The following CYP20A1 variants were observed in gnomAD, a reference collection of about 807,000 sequenced individuals.
CYP20A1 encodes cytochrome P450 20A1.
In CYP20A1, 61 loss-of-function variants were observed where a neutral mutation model predicts 61.4. The observed-to-expected ratio is 0.99, with a 90% CI of 0.81 to 1.23. The LOEUF is 1.23. CYP20A1 is among the 50% of genes most tolerant of loss of function. The pLI is 0.00. For missense variants in CYP20A1, 530 were observed against 542.4 expected, an observed-to-expected ratio of 0.98 and a Z score of 0.23; for synonymous variants, 193 against 188.2, an observed-to-expected ratio of 1.03 and a Z score of -0.21.
At chr2:203,254,301 A>G (rs991265658) in intron 4 of CYP20A1, among the ~76,000 whole-genome samples, 5 of 152,024 alleles carry the variant, frequency 3.3e-5, no homozygotes, top group South Asian at 2.1e-4. Flanking sequence ...ATGAATGCAT[A>G]TTTATTTTTA....
chr2:203,271,083 T>TATATA (rs1491142784), intron 5 of CYP20A1, among the ~76,000 whole-genome samples: 6 of 38,782 alleles, frequency 1.5e-4, no homozygotes, highest in Admixed American at 3.4e-4. Context: ...TATATATATA[T>TATATA]TTTTTTTTTT....
At chr2:203,254,093 C>G (rs1383580730) in intron 4 of CYP20A1, among the ~76,000 whole-genome samples, 1 of 107,884 alleles carries the variant, frequency 9.3e-6, no homozygotes, top group African/African-American at 3.1e-5. Flanking sequence ...ATTACAGGCG[C>G]CTGCCACCAT....
intron 5 of CYP20A1, among the ~76,000 whole-genome samples, chr2:203,271,761 C>T (rs565964432): frequency 6.6e-5 from 10 of 152,234 alleles, no homozygotes; most frequent in Middle Eastern, 6.8e-3. Flanking sequence ...GAGGGCTGGG[C>T]GCAGTGGTTC....
At chr2:203,292,237 C>G (rs1016338664) in intron 10 of CYP20A1, 25 bp from the exon 11 acceptor site, 3 of 1,574,142 alleles carry the variant, frequency 1.9e-6, no homozygotes, top group East Asian at 4.5e-5. Context: ...TAGTCCTTGA[C>G]TAATTGGATT....
At chr2:203,260,283 C>T (rs796107860) in intron 4 of CYP20A1, among the ~76,000 whole-genome samples, 41 of 152,142 alleles carry the variant, frequency 2.7e-4, no homozygotes, top group African/African-American at 8.7e-4. Context: ...AGTGCAGTGG[C>T]GCAATTTCTG....
Position 203,297,589 on chromosome 2 carries a change from C to T in CYP20A1, c.*681C>T, listed in dbSNP as rs1397988448. The T allele has an allele frequency of 6.6e-6, 1 of 152,170 alleles. No homozygotes were observed. Among genetic ancestry groups the T allele is most frequent in the Non-Finnish European group, 1.5e-5 (1 of 68,114 alleles). The allele number at this position is 152,170 out of a possible 1,614,324, so 9.4% of individuals were successfully genotyped here. A position where few individuals can be genotyped will look rare whatever the true frequency, so the allele number is the denominator to read the frequency against. ...GGGTGTGGTGGCCCACACCTGTAAT[C>T]CCAGCACTTTGGGAGGTCGAGGCGG... On this transcript the variant is annotated 3_prime_UTR_variant, in exon 13 of 13. Transcript: ENST00000356079.
rs2068892855 is a variant in CYP20A1, at chr2:203,298,405, C to T, written c.*1497C>T. Reference sequence around the variant, plus strand: ...ACCCTGCCTTTAAAAAAACAAAAAACAAAAAAGGCCGGGCTCGGTGGCTCA... The same window carrying T: ...ACCCTGCCTTTAAAAAAACAAAAAATAAAAAAGGCCGGGCTCGGTGGCTCA... On this transcript the variant is annotated 3_prime_UTR_variant, in exon 13 of 13. Coordinates refer to ENST00000356079, the MANE Select transcript of CYP20A1 (RefSeq NM_177538.3). 5.8e-6 allele frequency: 1 copy of T among 172,308 alleles called. No individual in the cohort carries two copies. Among genetic ancestry groups the T allele is most frequent in the Admixed American group, 6.4e-5 (1 of 15,542 alleles). The allele number at this position is 172,308 out of a possible 1,614,324, so 10.7% of individuals were successfully genotyped here.
chr2:203,303,281 A>C lies in CYP20A1; in HGVS notation c.*6373A>C, dbSNP rs180708124. On this transcript the variant is annotated 3_prime_UTR_variant, in exon 13 of 13. Transcript: ENST00000356079. ...TGGCCTCCTGAAGTGCTGGGATTAC[A>C]GGCATGAGCCACTGTGCCCGGCCAT... 1.7e-3 allele frequency among the ~76,000 whole-genome samples: 262 copies of C among 151,672 alleles called. 2 individuals are homozygous for C. Among genetic ancestry groups the C allele is most frequent in the African/African-American group, 5.6e-3 (232 of 41,350 alleles).
chr2:203,299,668 C>T lies in CYP20A1; in HGVS notation c.*2760C>T, dbSNP rs2068941653. 6.6e-6 allele frequency among the ~76,000 whole-genome samples: 1 copy of T among 152,062 alleles called. No individual in the cohort carries two copies. The highest frequency in any genetic ancestry group is 1.9e-4 in the East Asian group (1 of 5,164). ...GGCAGGCAGATCACCTGAGGTCAGG[C>T]GTTCAAGACCAGCCTGACCAACATG... On this transcript the variant is annotated 3_prime_UTR_variant, in exon 13 of 13. Coordinates refer to ENST00000356079, the MANE Select transcript of CYP20A1 (RefSeq NM_177538.3).
chr2:203,254,592 C>G (rs2066825193), intron 4 of CYP20A1, among the ~76,000 whole-genome samples: 1 of 151,352 alleles, frequency 6.6e-6, no homozygotes, highest in South Asian at 2.1e-4. Context: ...TTTGTGTGCA[C>G]AATAGAATTT....
Position 203,302,439 on chromosome 2 carries a change from C to T in CYP20A1, c.*5531C>T, listed in dbSNP as rs868439833. On this transcript the variant is annotated 3_prime_UTR_variant, in exon 13 of 13. Coordinates refer to ENST00000356079, the MANE Select transcript of CYP20A1 (RefSeq NM_177538.3). ...GTCCCAACTATTCAGGAGGCTGAGGCGAGAGGATGGCTTGAGCTCAGGAAG... is the reference window on the plus strand; with the variant it reads ...GTCCCAACTATTCAGGAGGCTGAGGTGAGAGGATGGCTTGAGCTCAGGAAG... 2.0e-5 allele frequency among the ~76,000 whole-genome samples: 3 copies of T among 152,244 alleles called. No homozygotes were observed. The highest frequency in any genetic ancestry group is 6.5e-5 in the Admixed American group (1 of 15,286).
intron 9 of CYP20A1, among the ~76,000 whole-genome samples, 188 bp from the exon 10 acceptor site, chr2:203,289,577 A>C (rs1273807242): frequency 6.6e-6 from 1 of 151,872 alleles, no homozygotes; most frequent in African/African-American, 2.4e-5. Context: ...TTTATTTTAA[A>C]ATTTATAAAA....
chr2:203,263,869 CTGTTGT>C (rs1459626254), intron 4 of CYP20A1, among the ~76,000 whole-genome samples: 1 of 152,044 alleles, frequency 6.6e-6, no homozygotes, highest in African/African-American at 2.4e-5. Flanking sequence ...TGCTCTGTTA[CTGTTGT>C]TGATCTTTTT....
chr2:203,247,230 C>T (rs970004541), intron 3 of CYP20A1, among the ~76,000 whole-genome samples: 6 of 151,868 alleles, frequency 4.0e-5, no homozygotes, highest in Non-Finnish European at 5.9e-5. Context: ...CACTGTACTC[C>T]AGCCTGGGCG....
At chr2:203,262,782 G>A (rs557622966) in intron 4 of CYP20A1, among the ~76,000 whole-genome samples, 1 of 151,112 alleles carries the variant, frequency 6.6e-6, no homozygotes, top group African/African-American at 2.4e-5. Flanking sequence ...TCCGCCTCCC[G>A]GGTTCACGCC....
chr2:203,263,534 C>A lies in CYP20A1; in HGVS notation c.433-2980C>A, dbSNP rs533052452. Among the ~76,000 whole-genome samples, 17 of 152,194 alleles carry A rather than the reference C, an allele frequency of 1.1e-4. No individual in the cohort carries two copies. In the East Asian group the frequency reaches 3.3e-3, roughly 29 times the overall value. ...CGATGTCCTGACCTCATGATCTGCC[C>A]GCCTCGGCCCCCCAAAATGCTGGAA... On this transcript the variant is annotated intron_variant, in intron 4 of 12. Coordinates refer to ENST00000356079, the MANE Select transcript of CYP20A1 (RefSeq NM_177538.3).
intron 3 of CYP20A1, among the ~76,000 whole-genome samples, chr2:203,250,807 G>A (rs1009139090): frequency 1.3e-5 from 2 of 152,156 alleles, no homozygotes; most frequent in African/African-American, 4.8e-5. Context: ...GCTCACGCCT[G>A]TAATCCCAGC....
intron 1 of CYP20A1, among the ~76,000 whole-genome samples, chr2:203,245,031 CT>C (rs1191004801): frequency 2.4e-3 from 282 of 115,150 alleles, no homozygotes; most frequent in Admixed American, 2.5e-3. Context: ...CACGCCCAGC[CT>C]TTTTTTTTTT....
At chr2:203,268,715 T>G (rs1477421583) in intron 5 of CYP20A1, among the ~76,000 whole-genome samples, 1 of 152,180 alleles carries the variant, frequency 6.6e-6, no homozygotes, top group Non-Finnish European at 1.5e-5. Flanking sequence ...TTTTATTACA[T>G]GCATAGATTG....
Sources: allele counts gnomAD v4.1 joint callset (sites outside exome capture counted in the v4.1 genomes callset), GRCh38; gene constraint gnomAD v4.1.1; transcripts MANE v1.5; gene names NCBI Gene and HGNC (gene_info 2026-07-23, HGNC 2026-07-21).